CADM2: variants seen among roughly 807,000 people sequenced by gnomAD.
CADM2 encodes the protein immunoglobulin superfamily member 4D.
A neutral mutation model predicts 49.8 loss-of-function variants in CADM2; 12 were observed. The observed-to-expected ratio is 0.24, with a 90% CI of 0.15 to 0.39. The LOEUF is 0.39. Ranked by LOEUF, CADM2 falls within the 10% of genes least tolerant of loss-of-function variation. The pLI is 1.00. For missense variants in CADM2, 378 were observed against 492.3 expected, an observed-to-expected ratio of 0.77 and a Z score of 2.20; for synonymous variants, 214 against 175.4, an observed-to-expected ratio of 1.22 and a Z score of -1.74.
intron 8 of CADM2, among the ~76,000 whole-genome samples, chr3:85,989,426 T>TG (rs1728492103): frequency 1.3e-5 from 2 of 152,038 alleles, no homozygotes; most frequent in African/African-American, 4.8e-5. Flanking sequence ...ACGAGGACAC[T>TG]GGGGGACAGG....
chr3:85,373,603 C>T (rs971502695), intron 1 of CADM2, among the ~76,000 whole-genome samples: 13 of 152,152 alleles, frequency 8.5e-5, no homozygotes, highest in Admixed American at 1.3e-4. Context: ...ATTTTCCTTC[C>T]AAAATGCCCT....
At chr3:85,151,391 A>T (rs2039919065) in intron 1 of CADM2, among the ~76,000 whole-genome samples, 1 of 148,190 alleles carries the variant, frequency 6.7e-6, no homozygotes, top group African/African-American at 2.5e-5. Context: ...CCTTTTTCTT[A>T]CTCCTAGAAT....
chr3:85,940,071 C>A (rs1721680717), intron 7 of CADM2, among the ~76,000 whole-genome samples: 4 of 145,838 alleles, frequency 2.7e-5, no homozygotes, highest in African/African-American at 1.0e-4. Context: ...GTAATCCCAG[C>A]ACTTTGGGAG....
intron 5 of CADM2, among the ~76,000 whole-genome samples, chr3:85,902,470 A>G (rs891448169): frequency 6.6e-6 from 1 of 151,866 alleles, no homozygotes; most frequent in East Asian, 1.9e-4. Context: ...ATACAGTTTT[A>G]TAATCTCGGC....
intron 1 of CADM2, among the ~76,000 whole-genome samples, chr3:85,189,471 T>A (rs1299760752): frequency 6.6e-6 from 1 of 152,144 alleles, no homozygotes; most frequent in Non-Finnish European, 1.5e-5. Flanking sequence ...TGATAGAAAA[T>A]CTTATTTTTG....
At chr3:85,420,292 C>T (rs1327535592) in intron 1 of CADM2, among the ~76,000 whole-genome samples, 1 of 152,098 alleles carries the variant, frequency 6.6e-6, no homozygotes, top group Admixed American at 6.5e-5. Context: ...ATCTACTTAC[C>T]CATCTGTAGG....
chr3:85,492,701 T>C (rs2039725198), intron 1 of CADM2, among the ~76,000 whole-genome samples: 1 of 152,232 alleles, frequency 6.6e-6, no homozygotes, highest in South Asian at 2.1e-4. Context: ...ATAGCAAAGA[T>C]AATATTTATC....
intron 8 of CADM2, chr3:86,014,536 A>G: frequency 1.9e-6 from 3 of 1,580,322 alleles, no homozygotes; most frequent in African/African-American, 1.3e-5. Context: ...TTGGAATCTC[A>G]GCTAGCCTCT....
intron 2 of CADM2, among the ~76,000 whole-genome samples, chr3:85,742,576 G>A (rs1336024320): frequency 2.0e-5 from 3 of 152,100 alleles, no homozygotes; most frequent in African/African-American, 7.2e-5. Context: ...ATTTGATAGA[G>A]TAGTTATTTC....
chr3:85,441,601 T>A (rs2037204551), intron 1 of CADM2, among the ~76,000 whole-genome samples: 1 of 152,116 alleles, frequency 6.6e-6, no homozygotes. Context: ...GGATTTATAA[T>A]CTTGATCCCA....
intron 1 of CADM2, among the ~76,000 whole-genome samples, chr3:85,376,777 T>G (rs1044332817): frequency 1.3e-5 from 2 of 152,024 alleles, no homozygotes; most frequent in Non-Finnish European, 2.9e-5. Context: ...ATTTTAAAGT[T>G]TATACAATTG....
chr3:85,755,590 A>G (rs530520014), intron 2 of CADM2, among the ~76,000 whole-genome samples: 1 of 152,292 alleles, frequency 6.6e-6, no homozygotes, highest in South Asian at 2.1e-4. Flanking sequence ...TCACTATTCC[A>G]TGGGCTGTAC....
intron 4 of CADM2, among the ~76,000 whole-genome samples, 155 bp downstream of exon 4, chr3:85,883,598 A>G (rs73147160): frequency 0.058 from 8,816 of 152,284 alleles, 415 homozygotes; most frequent in Non-Finnish European, 0.08. Context: ...GCGTTTTAAA[A>G]TCATTTAGTC....
intron 3 of CADM2, among the ~76,000 whole-genome samples, chr3:85,804,380 G>A (rs577017577): frequency 4.6e-5 from 7 of 152,174 alleles, no homozygotes; most frequent in Non-Finnish European, 1.0e-4. Context: ...GTTTAATGAA[G>A]CAATCTTGCT....
At chr3:85,908,252 TTC>T (rs1431036903) in intron 5 of CADM2, among the ~76,000 whole-genome samples, 4 of 89,820 alleles carry the variant, frequency 4.5e-5, no homozygotes, top group African/African-American at 9.0e-5. Context: ...TTTTTTTTTC[TTC>T]TTTTTTTTTT....
At position 86,068,996 on chromosome 3, in the gene CADM2, A is replaced by T. The variant is rs1204221601; in HGVS notation, c.*2213A>T. Reference sequence around the variant, plus strand: ...GCATAATCTTTAGAAAGACTCCACAAAGCAAAATTCATCCTGTTAGTACAA... The same window carrying T: ...GCATAATCTTTAGAAAGACTCCACATAGCAAAATTCATCCTGTTAGTACAA... On this transcript the variant is annotated 3_prime_UTR_variant, in exon 10 of 10. Coordinates refer to ENST00000383699, the MANE Select transcript of CADM2 (RefSeq NM_001167675.2). The T allele has an allele frequency of 1.3e-5, 2 of 151,990 alleles. No individual in the cohort carries two copies. Among genetic ancestry groups the T allele is most frequent in the Non-Finnish European group, 2.9e-5 (2 of 67,870 alleles). 9.4% of individuals were successfully genotyped at this position (151,990 alleles called of 1,614,324 possible). A position where few individuals can be genotyped will look rare whatever the true frequency, so the allele number is the denominator to read the frequency against.
chr3:85,661,974 G>A (rs918844876), intron 1 of CADM2, among the ~76,000 whole-genome samples: 17 of 152,006 alleles, frequency 1.1e-4, no homozygotes, highest in Non-Finnish European at 2.4e-4. Flanking sequence ...TAAACATACA[G>A]TAGGTAATTA....
chr3:85,556,852 C>T (rs2061972812), intron 1 of CADM2, among the ~76,000 whole-genome samples: 1 of 152,058 alleles, frequency 6.6e-6, no homozygotes, highest in Non-Finnish European at 1.5e-5. Context: ...AAATAATTCA[C>T]AGTGTCAGTG....
At chr3:85,196,492 G>C (rs2041346129) in intron 1 of CADM2, among the ~76,000 whole-genome samples, 1 of 151,924 alleles carries the variant, frequency 6.6e-6, no homozygotes, top group Non-Finnish European at 1.5e-5. Context: ...CATCAGGAGA[G>C]TAGTTAAATT....
Sources: allele counts gnomAD v4.1 joint callset (sites outside exome capture counted in the v4.1 genomes callset), GRCh38; gene constraint gnomAD v4.1.1; transcripts MANE v1.5; gene names NCBI Gene and HGNC (gene_info 2026-07-23, HGNC 2026-07-21).